Variants in WWC1 observed in about 807,000 individuals in gnomAD.
WWC1 encodes the protein WW and C2 domain containing 1.
Under a neutral mutation model 138.4 loss-of-function variants are expected in WWC1, and 55 were observed. The ratio of observed to expected loss-of-function variants is 0.40; its 90% CI spans 0.32 to 0.50. The LOEUF (loss-of-function observed/expected upper bound fraction) is 0.50, where lower values mean the gene tolerates loss of function less well. WWC1 is among the 20% of genes least tolerant of loss of function. WWC1 has a pLI of 0.72. For synonymous variants in WWC1, 524 were observed against 564.9 expected (o/e 0.93, Z 1.03); for missense variants, 1,226 against 1,420.4 (o/e 0.86, Z 2.20).
At chr5:168,332,366 A>C (rs184858328) in intron 1 of WWC1, among the ~76,000 whole-genome samples, 393 of 152,330 alleles carry the variant, frequency 2.6e-3, no homozygotes, top group African/African-American at 8.6e-3. Context: ...TTTTCAGTAC[A>C]TATAAATATT....
chr5:168,427,548 A>ATTTTTTTTTTTT (rs34177139), intron 11 of WWC1, among the ~76,000 whole-genome samples: 30 of 101,140 alleles, frequency 3.0e-4, no homozygotes, highest in South Asian at 3.6e-4. Flanking sequence ...CTTTTTTTTA[A>ATTTTTTTTTTTT]TTTTTTTTTT....
chr5:168,391,767 A>ATATATG (rs1778525932), intron 3 of WWC1, among the ~76,000 whole-genome samples: 1 of 82,746 alleles, frequency 1.2e-5, no homozygotes, highest in Non-Finnish European at 2.6e-5. Context: ...AGGCATATAT[A>ATATATG]TATATATATA....
At chr5:168,406,348 G>A (rs372101557) in intron 6 of WWC1, 21 bp downstream of exon 6, 410 of 1,612,562 alleles carry the variant, frequency 2.5e-4, no homozygotes, top group Non-Finnish European at 3.2e-4. Flanking sequence ...TCCTGTTGAT[G>A]TGGGTGCCAT....
chr5:168,421,099 T>C (rs567386450), intron 9 of WWC1, among the ~76,000 whole-genome samples: 1 of 152,330 alleles, frequency 6.6e-6, no homozygotes, highest in African/African-American at 2.4e-5. Flanking sequence ...ATTGGGTATG[T>C]CCAGTTAACA....
intron 2 of WWC1, among the ~76,000 whole-genome samples, chr5:168,381,452 G>A (rs1285264535): frequency 6.6e-6 from 1 of 152,118 alleles, no homozygotes; most frequent in Non-Finnish European, 1.5e-5. Flanking sequence ...GTGACCAATC[G>A]GCCCATGTGT....
intron 3 of WWC1, among the ~76,000 whole-genome samples, chr5:168,397,040 A>G (rs1177101148): frequency 6.6e-6 from 1 of 152,188 alleles, no homozygotes; most frequent in Admixed American, 6.5e-5. Flanking sequence ...ATCATTTACC[A>G]TCTAACTCTC....
intron 1 of WWC1, among the ~76,000 whole-genome samples, chr5:168,356,457 A>G (rs560229878): frequency 2.0e-5 from 3 of 152,350 alleles, no homozygotes; most frequent in Admixed American, 1.3e-4. Context: ...GGTGTCATAC[A>G]TCGGTGTCAG....
chr5:168,336,924 C>T (rs1773525214), intron 1 of WWC1, among the ~76,000 whole-genome samples: 1 of 152,160 alleles, frequency 6.6e-6, no homozygotes, highest in Non-Finnish European at 1.5e-5. Flanking sequence ...TCAGATCCTG[C>T]TTTTAAGCTA....
chr5:168,308,985 C>T lies in WWC1; in HGVS notation c.119+16714C>T, dbSNP rs528220898. On this transcript the variant is annotated intron_variant, in intron 1 of 22. Coordinates refer to ENST00000265293, the MANE Select transcript of WWC1 (RefSeq NM_015238.3). ...AGAACATAGAAGAGTCCCACATCCA[C>T]TGCCTCCACTGCCCCCATTCATGCC... Among the ~76,000 whole-genome samples, 299 of 152,278 alleles carry T rather than the reference C, an allele frequency of 2.0e-3. 1 individual carries two copies. The highest frequency in any genetic ancestry group is 6.9e-3 in the African/African-American group (287 of 41,552).
chr5:168,454,181 C>T (rs898943958), intron 18 of WWC1, 81 bp downstream of exon 18: 4 of 1,557,428 alleles, frequency 2.6e-6, no homozygotes, highest in Non-Finnish European at 3.5e-6. Flanking sequence ...AGAAAAGACT[C>T]AGAGCTAAGT....
At chr5:168,439,044 T>A (rs1482460552) in intron 15 of WWC1, among the ~76,000 whole-genome samples, 1 of 152,192 alleles carries the variant, frequency 6.6e-6, no homozygotes, top group Non-Finnish European at 1.5e-5. Flanking sequence ...TTATTTCTTG[T>A]GCACATATGA....
intron 15 of WWC1, among the ~76,000 whole-genome samples, chr5:168,438,008 A>G (rs1754396784): frequency 6.6e-6 from 1 of 152,182 alleles, no homozygotes; most frequent in Admixed American, 6.5e-5. Flanking sequence ...ATATATGTAC[A>G]TTTATTCTGG....
intron 1 of WWC1, among the ~76,000 whole-genome samples, chr5:168,350,499 C>A (rs1774860847): frequency 6.6e-6 from 1 of 152,174 alleles, no homozygotes; most frequent in Non-Finnish European, 1.5e-5. Flanking sequence ...GTCCAGGAGG[C>A]TATTTGGCGT....
chr5:168,354,966 G>A (rs190125767), intron 1 of WWC1, among the ~76,000 whole-genome samples: 191 of 152,312 alleles, frequency 1.3e-3, no homozygotes, highest in African/African-American at 4.3e-3. Context: ...TTTCCTCTTA[G>A]AGAGGAGGAG....
At chr5:168,311,402 C>T (rs1392335779) in intron 1 of WWC1, among the ~76,000 whole-genome samples, 2 of 152,106 alleles carry the variant, frequency 1.3e-5, no homozygotes, top group Non-Finnish European at 2.9e-5. Flanking sequence ...TGTGAGGAAC[C>T]GAGGCAGCAG....
Position 168,312,047 on chromosome 5 carries a change from TA to T in WWC1, c.119+19789del, listed in dbSNP as rs1310525136. On this transcript the variant is annotated intron_variant, in intron 1 of 22. Transcript: ENST00000265293. ...CTGGGTGACGGAGCAAGACTCAGTC[TA>T]AAAAAAAAAAAATACAAAAATTAGC... Among the ~76,000 whole-genome samples, 736 of 130,826 alleles carry T rather than the reference TA, an allele frequency of 5.6e-3. 2 individuals carry two copies. The highest frequency in any genetic ancestry group is 8.2e-3 in the Middle Eastern group (2 of 244). The allele number at this position is 130,826 out of a possible 152,430, so 85.8% of individuals were successfully genotyped here. A position where few individuals can be genotyped will look rare whatever the true frequency, so the allele number is the denominator to read the frequency against.
intron 15 of WWC1, among the ~76,000 whole-genome samples, chr5:168,437,891 C>T (rs1002471211): frequency 2.0e-5 from 3 of 152,122 alleles, no homozygotes; most frequent in African/African-American, 7.2e-5. Flanking sequence ...CCACGAGACC[C>T]GTTTTGGGGA....
chr5:168,444,243 G>T (rs1157323169), intron 16 of WWC1, among the ~76,000 whole-genome samples: 1 of 152,186 alleles, frequency 6.6e-6, no homozygotes, highest in Non-Finnish European at 1.5e-5. Flanking sequence ...TGCTAAACTT[G>T]GCTATCTTCC....
chr5:168,453,830 G>T (rs1213630354), intron 17 of WWC1, 138 bp from the exon 18 acceptor site: 2 of 1,461,834 alleles, frequency 1.4e-6, no homozygotes, highest in Non-Finnish European at 1.8e-6. Context: ...ACAGGTGTGA[G>T]CCTGGCCCCC....
Sources: gnomAD v4.1 joint callset for allele counts (sites outside exome capture counted in the v4.1 genomes callset) on GRCh38, gnomAD v4.1.1 for gene constraint, MANE v1.5 for transcripts, NCBI Gene and HGNC (gene_info 2026-07-23, HGNC 2026-07-21) for gene names.